Variants in PVT1 observed in about 807,000 individuals in gnomAD.
PVT1 encodes Pvt1 oncogene.
intron 4 of PVT1, among the ~76,000 whole-genome samples, chr8:127,991,703 G>A (rs1817043572): frequency 6.6e-6 from 1 of 152,188 alleles, no homozygotes; most frequent in Admixed American, 6.5e-5. Context: ...GACAGAGCAG[G>A]GGCAAGTGCT....
In PVT1 at chr8:128,015,771, C is replaced by CAA. The variant is rs375990538; in HGVS notation, n.912+26498_912+26499dup. ...CTGGTGACTGAGCAAGACTTTGTCTCAAAAAAAAAAAAAAAAAAAGGTTTG... is the reference window on the plus strand; with the variant it reads ...CTGGTGACTGAGCAAGACTTTGTCTCAAAAAAAAAAAAAAAAAAAAAGGTTTG... On this transcript the variant is annotated intron_variant and non_coding_transcript_variant, in intron 4 of 10. Coordinates refer to ENST00000651587, the Ensembl canonical transcript of PVT1. 3.0e-3 allele frequency among the ~76,000 whole-genome samples: 284 copies of CAA among 95,864 alleles called. 8 individuals are homozygous for CAA. Among genetic ancestry groups the CAA allele is most frequent in the Middle Eastern group, 0.012 (2 of 162 alleles). The allele number at this position is 95,864 out of a possible 152,430, so 62.9% of individuals were successfully genotyped here.
intron 5 of PVT1, among the ~76,000 whole-genome samples, chr8:128,084,900 G>C (rs961059561): frequency 6.6e-6 from 1 of 152,128 alleles, no homozygotes; most frequent in Non-Finnish European, 1.5e-5. Context: ...ATTAGTTCAC[G>C]CTCTCTTTTT....
chr8:127,978,967 C>CCTGG (rs1319636599), intron 3 of PVT1, among the ~76,000 whole-genome samples: 3 of 152,216 alleles, frequency 2.0e-5, no homozygotes, highest in Admixed American at 6.5e-5. Context: ...ATCTCAAACT[C>CCTGG]CTGGCCTCAA....
rs1186135907 is a variant in PVT1 at position 127,883,061 on chromosome 8, A to G, written n.373-7528A>G. ...TGCACGCACACATGCATGCACACAC[A>G]TCACACACACACACACACACACACA... On this transcript the variant is annotated intron_variant and non_coding_transcript_variant, in intron 2 of 10. Transcript: ENST00000651587. Among the ~76,000 whole-genome samples, 3 of 72,096 alleles carry G rather than the reference A, an allele frequency of 4.2e-5. No homozygotes were observed. In the Admixed American group the frequency reaches 4.2e-4, roughly 10 times the overall value. The allele number at this position is 72,096 out of a possible 152,430, so 47.3% of individuals were successfully genotyped here. A position where few individuals can be genotyped will look rare whatever the true frequency, so the allele number is the denominator to read the frequency against.
chr8:127,955,241 G>T (rs1417616345), intron 3 of PVT1, among the ~76,000 whole-genome samples: 1 of 152,204 alleles, frequency 6.6e-6, no homozygotes, highest in Non-Finnish European at 1.5e-5. Flanking sequence ...ACAGTGAAAA[G>T]ACAGCCATCT....
At chr8:128,005,967 G>T (rs1283669476) in intron 4 of PVT1, among the ~76,000 whole-genome samples, 1 of 151,970 alleles carries the variant, frequency 6.6e-6, no homozygotes, top group African/African-American at 2.4e-5. Context: ...GCCAGATGTG[G>T]TAGTGCGCGC....
At chr8:128,047,612 C>A (rs533473351) in intron 4 of PVT1, among the ~76,000 whole-genome samples, 2 of 152,308 alleles carry the variant, frequency 1.3e-5, no homozygotes, top group South Asian at 4.1e-4. Flanking sequence ...AAGAACTTTT[C>A]ATGCAGAAAC....
chr8:127,950,771 G>A (rs1816496836), intron 3 of PVT1, among the ~76,000 whole-genome samples: 1 of 152,202 alleles, frequency 6.6e-6, no homozygotes, highest in Non-Finnish European at 1.5e-5. Context: ...GAGCACCTTC[G>A]AGTGAGGAGG....
chr8:127,850,876 G>A (rs1815099917), intron 2 of PVT1, among the ~76,000 whole-genome samples: 3 of 152,018 alleles, frequency 2.0e-5, no homozygotes, highest in African/African-American at 7.2e-5. Context: ...AAAAGTAGGT[G>A]GGCGCCTGTA....
At position 127,887,931 on chromosome 8, in the gene PVT1, G is replaced by GTTTTTTT. The variant is rs560976785; in HGVS notation, n.373-2637_373-2631dup. Among the ~76,000 whole-genome samples, 91 of 66,586 alleles carry GTTTTTTT rather than the reference G, an allele frequency of 1.4e-3. 26 individuals carry two copies. Among genetic ancestry groups the GTTTTTTT allele is most frequent in the East Asian group, 2.5e-3 (4 of 1,576 alleles). 43.7% of individuals were successfully genotyped at this position (66,586 alleles called of 152,430 possible). ...TGGATGCAGAATCTCACTCTATCTT[G>GTTTTTTT]TTTTTTTTTTTTTTTTTTTTTTTTT... On this transcript the variant is annotated intron_variant and non_coding_transcript_variant, in intron 2 of 10. Coordinates refer to ENST00000651587, the Ensembl canonical transcript of PVT1.
At chr8:127,875,377 CTCTCTCT>C (rs1255643015) in intron 2 of PVT1, among the ~76,000 whole-genome samples, 2 of 152,060 alleles carry the variant, frequency 1.3e-5, no homozygotes, top group East Asian at 3.9e-4. Flanking sequence ...CTCTCTCTCT[CTCTCTCT>C]TCTTTCTCCC....
At chr8:127,916,917 T>A (rs900238890) in intron 3 of PVT1, among the ~76,000 whole-genome samples, 6 of 152,226 alleles carry the variant, frequency 3.9e-5, no homozygotes, top group Non-Finnish European at 8.8e-5. Flanking sequence ...GTTTCGGTTC[T>A]GATAGCAGGA....
chr8:128,100,450 T>A (rs1814489856), intron 6 of PVT1, among the ~76,000 whole-genome samples: 1 of 152,098 alleles, frequency 6.6e-6, no homozygotes, highest in African/African-American at 2.4e-5. Flanking sequence ...GGAATGAGAA[T>A]TACAGGGGGA....
chr8:127,836,614 G>A (rs1286517137), intron 2 of PVT1, among the ~76,000 whole-genome samples: 1 of 152,160 alleles, frequency 6.6e-6, no homozygotes, highest in Non-Finnish European at 1.5e-5. Context: ...GGAGGTAATG[G>A]CAATAACTCT....
chr8:127,962,067 G>A lies in PVT1; in HGVS notation n.783-27095G>A, dbSNP rs1816650254. On this transcript the variant is annotated intron_variant and non_coding_transcript_variant, in intron 3 of 10. Transcript: ENST00000651587. ...TCGCCTCACTGCAACCTCCGCCTCT[G>A]GGGTTCAAGCGATTCTCCTGCCTCA... 3.3e-5 allele frequency among the ~76,000 whole-genome samples: 5 copies of A among 152,312 alleles called. No individual in the cohort carries two copies. In the South Asian group the frequency reaches 8.3e-4, roughly 25 times the overall value.
intron 5 of PVT1, among the ~76,000 whole-genome samples, chr8:128,075,874 C>A (rs1238056893): frequency 1.3e-5 from 2 of 152,210 alleles, no homozygotes; most frequent in Admixed American, 6.5e-5. Context: ...ACTTACAGAT[C>A]GCTTCTCTTG....
chr8:128,021,905 G>A (rs1817443255), intron 4 of PVT1, among the ~76,000 whole-genome samples: 2 of 152,120 alleles, frequency 1.3e-5, no homozygotes, highest in Admixed American at 1.3e-4. Flanking sequence ...GGAGAGTGCA[G>A]GGGTAGGGAA....
intron 3 of PVT1, among the ~76,000 whole-genome samples, chr8:127,930,778 C>G (rs965849090): frequency 6.6e-6 from 1 of 152,110 alleles, no homozygotes; most frequent in East Asian, 1.9e-4. Flanking sequence ...TGAGAACCCC[C>G]TTATAGCATA....
chr8:127,839,867 A>G (rs1352746906), intron 2 of PVT1, among the ~76,000 whole-genome samples: 1 of 152,166 alleles, frequency 6.6e-6, no homozygotes, highest in Non-Finnish European at 1.5e-5. Flanking sequence ...AGCCGCTGCC[A>G]TGTGGAGAGG....
Sources: allele counts gnomAD v4.1 joint callset (sites outside exome capture counted in the v4.1 genomes callset), GRCh38; gene constraint gnomAD v4.1.1; transcripts MANE v1.5; gene names NCBI Gene and HGNC (gene_info 2026-07-23, HGNC 2026-07-21).